The following UTRN variants were observed in gnomAD, a reference collection of about 807,000 sequenced individuals.
The protein encoded by UTRN is utrophin.
UTRN carries 283 observed loss-of-function variants against 463.9 expected under a neutral mutation model. The observed-to-expected ratio is 0.61, with a 90% CI of 0.55 to 0.67. UTRN has a LOEUF of 0.67. Ranked by LOEUF, UTRN falls within the 30% of genes least tolerant of loss-of-function variation. The pLI, the probability that UTRN is intolerant of heterozygous loss-of-function variation, is 0.00. For synonymous variants in UTRN, 1,442 were observed against 1,431.5 expected (o/e 1.01, Z -0.17); for missense variants, 3,922 against 4,084.3 (o/e 0.96, Z 1.08).
intron 2 of UTRN, among the ~76,000 whole-genome samples, chr6:144,374,518 T>C (rs536101943): frequency 6.6e-6 from 1 of 151,344 alleles, no homozygotes; most frequent in South Asian, 2.1e-4. Flanking sequence ...GGAGTCTCAC[T>C]CTGTCACCAG....
chr6:144,474,493 C>T, intron 24 of UTRN, 111 bp from the exon 25 acceptor site: 1 of 1,164,548 alleles, frequency 8.6e-7, no homozygotes, highest in South Asian at 1.7e-5. Context: ...GAAGTACTGA[C>T]TCTTAAGCAG....
chr6:144,646,672 A>C (rs1376499279), intron 51 of UTRN, among the ~76,000 whole-genome samples: 1 of 152,146 alleles, frequency 6.6e-6, no homozygotes, highest in East Asian at 1.9e-4. Flanking sequence ...AACCTCTCAC[A>C]CATAAAAATT....
At chr6:144,398,979 A>G (rs1330657266) in intron 2 of UTRN, among the ~76,000 whole-genome samples, 1 of 152,206 alleles carries the variant, frequency 6.6e-6, no homozygotes, top group East Asian at 1.9e-4. Flanking sequence ...CAAAAATATC[A>G]TTTGAAATGT....
intron 41 of UTRN, 31 bp downstream of exon 41, chr6:144,523,219 A>T (rs771877119): frequency 3.3e-4 from 483 of 1,475,178 alleles, no homozygotes; most frequent in Admixed American, 7.3e-4. Context: ...TATTTAATTT[A>T]AAAAAATGCC....
At chr6:144,554,990 T>C in intron 49 of UTRN, 97 bp downstream of exon 49, 1 of 1,351,924 alleles carries the variant, frequency 7.4e-7, no homozygotes, top group Non-Finnish European at 1.0e-6. Flanking sequence ...CCCTGCCATG[T>C]TTTTTCCTAA....
At chr6:144,673,969 AC>A (rs1372296438) in intron 51 of UTRN, among the ~76,000 whole-genome samples, 1 of 152,086 alleles carries the variant, frequency 6.6e-6, no homozygotes, top group Non-Finnish European at 1.5e-5. Context: ...TAACAATAAG[AC>A]CCCAATCCCT....
chr6:144,836,550 T>C lies in UTRN; in HGVS notation c.10065+9T>C. 6.2e-7 allele frequency: 1 copy of C among 1,612,568 alleles called. No homozygotes were observed. The highest frequency in any genetic ancestry group is 1.7e-5 in the Admixed American group (1 of 59,992). ...GACAGCTGCTGGAGCAGGTAGGGTG[T>C]GTAGAATTCAGCGTCACACCTCCCC... On this transcript the variant is annotated intron_variant, in intron 71 of 74. Coordinates refer to ENST00000367545, the MANE Select transcript of UTRN (RefSeq NM_007124.3).
At chr6:144,803,446 A>G (rs577782678) in intron 65 of UTRN, among the ~76,000 whole-genome samples, 1 of 152,158 alleles carries the variant, frequency 6.6e-6, no homozygotes, top group East Asian at 1.9e-4. Context: ...TTTTAGACAT[A>G]TTTATGCTTT....
chr6:144,768,040 G>T (rs963604231), intron 58 of UTRN, among the ~76,000 whole-genome samples: 3 of 152,122 alleles, frequency 2.0e-5, no homozygotes, highest in Admixed American at 1.3e-4. Context: ...GAGGACAAAT[G>T]GGTTTAAGAA....
chr6:144,621,728 T>G (rs555387760), intron 51 of UTRN, among the ~76,000 whole-genome samples: 2 of 152,208 alleles, frequency 1.3e-5, no homozygotes, highest in Non-Finnish European at 2.9e-5. Context: ...CACTGCCGTA[T>G]CTTTTACCTT....
intron 65 of UTRN, among the ~76,000 whole-genome samples, chr6:144,811,639 C>T (rs1449967233): frequency 3.4e-4 from 51 of 151,786 alleles, no homozygotes; most frequent in Non-Finnish European, 1.3e-4. Flanking sequence ...CTGAGCTTTT[C>T]TTACTGATTG....
At chr6:144,633,291 G>A (rs1028381289) in intron 51 of UTRN, among the ~76,000 whole-genome samples, 4 of 145,484 alleles carry the variant, frequency 2.7e-5, no homozygotes, top group African/African-American at 5.1e-5. Context: ...GTGCAATGGC[G>A]CGATCTCGGC....
At chr6:144,683,288 G>A (rs1450943744) in intron 52 of UTRN, among the ~76,000 whole-genome samples, 5 of 152,164 alleles carry the variant, frequency 3.3e-5, no homozygotes, top group Admixed American at 6.5e-5. Flanking sequence ...CAAGTGGACC[G>A]TATGGGCTGA....
chr6:144,760,707 C>T (rs865948696), intron 58 of UTRN, among the ~76,000 whole-genome samples: 14 of 152,092 alleles, frequency 9.2e-5, no homozygotes, highest in African/African-American at 2.9e-4. Flanking sequence ...TATACACTTC[C>T]CTTTGCGTGG....
At chr6:144,350,607 C>T (rs1381019631) in intron 2 of UTRN, among the ~76,000 whole-genome samples, 2 of 152,194 alleles carry the variant, frequency 1.3e-5, no homozygotes, top group African/African-American at 2.4e-5. Context: ...GTTGTTTGAA[C>T]TTGCATTTCT....
chr6:144,298,737 T>C (rs937134233), intron 2 of UTRN, among the ~76,000 whole-genome samples: 1 of 152,162 alleles, frequency 6.6e-6, no homozygotes, highest in Non-Finnish European at 1.5e-5. Context: ...AACATTTAAT[T>C]ATGGAACAAA....
At chr6:144,597,557 A>T (rs1468120906) in intron 51 of UTRN, among the ~76,000 whole-genome samples, 2 of 152,186 alleles carry the variant, frequency 1.3e-5, no homozygotes, top group East Asian at 3.9e-4. Flanking sequence ...CAAGGCTTGC[A>T]ACTGATAACT....
In UTRN at chr6:144,487,633, T is replaced by A; in HGVS notation, c.3908T>A (p.Leu1303Gln). 1 of 1,613,738 alleles carries A rather than the reference T, an allele frequency of 6.2e-7. No individual in the cohort carries two copies. Among genetic ancestry groups the A allele is most frequent in the Non-Finnish European group, 8.5e-7 (1 of 1,179,768 alleles). The part of the protein sequence containing the change: ...LGQTLIDGGI[L>Q]DDIISEKLEA... ...CAGACTCTGATTGATGGGGGGATCC[T>A]GGATGATATAATCAGTGAGAAACTG... Residue 1303 changes from leucine to glutamine, a missense_variant, in exon 29 of 75, where the codon CTG (leucine) becomes CAG (glutamine). By Grantham distance (113) the Leu-to-Gln change is moderately radical (BLOSUM62 -2). Coordinates refer to ENST00000367545, the MANE Select transcript of UTRN (RefSeq NM_007124.3).
chr6:144,605,452 A>G (rs139817029), intron 51 of UTRN, among the ~76,000 whole-genome samples: 2 of 152,098 alleles, frequency 1.3e-5, no homozygotes, highest in East Asian at 3.9e-4. Flanking sequence ...TTGCTGTTTC[A>G]TTATGAAACT....
Sources: gnomAD v4.1 joint callset for allele counts (sites outside exome capture counted in the v4.1 genomes callset) on GRCh38, gnomAD v4.1.1 for gene constraint, MANE v1.5 for transcripts, NCBI Gene and HGNC (gene_info 2026-07-23, HGNC 2026-07-21) for gene names.